The following COLEC12 variants were observed in gnomAD, a reference collection of about 807,000 sequenced individuals.
The protein encoded by COLEC12 is collectin-12.
Under a neutral mutation model 71.1 loss-of-function variants are expected in COLEC12, and 33 were observed. The observed-to-expected ratio is 0.46, with a 90% CI of 0.35 to 0.62. COLEC12 has a LOEUF of 0.62. Among genes scored for constraint, COLEC12 ranks in the 20% least tolerant of loss-of-function variants. The pLI is 0.00. For missense variants in COLEC12, 765 were observed against 916.1 expected, an observed-to-expected ratio of 0.84 and a Z score of 2.13; for synonymous variants, 350 against 353.0, an observed-to-expected ratio of 0.99 and a Z score of 0.10.
At chr18:466,463 G>A (rs746143442) in intron 2 of COLEC12, among the ~76,000 whole-genome samples, 2 of 152,006 alleles carry the variant, frequency 1.3e-5, no homozygotes, top group East Asian at 3.9e-4. Context: ...ATTTCAGCCC[G>A]TGTGCTGTGA....
intron 2 of COLEC12, among the ~76,000 whole-genome samples, chr18:431,608 C>G (rs1294033109): frequency 6.6e-6 from 1 of 152,190 alleles, no homozygotes; most frequent in Non-Finnish European, 1.5e-5. Context: ...GAGGAGCACA[C>G]TGGAAGCAAG....
intron 2 of COLEC12, among the ~76,000 whole-genome samples, chr18:406,117 T>C (rs553171325): frequency 6.6e-6 from 1 of 152,214 alleles, no homozygotes; most frequent in African/African-American, 2.4e-5. Flanking sequence ...AGTTTACAGA[T>C]GCCATGGCAA....
chr18:496,109 C>T (rs913309553), intron 1 of COLEC12, among the ~76,000 whole-genome samples: 1 of 152,140 alleles, frequency 6.6e-6, no homozygotes, highest in African/African-American at 2.4e-5. Flanking sequence ...CTTCAAGGTC[C>T]ATTTAACTTT....
intron 2 of COLEC12, among the ~76,000 whole-genome samples, chr18:417,834 G>A (rs1275307027): frequency 1.3e-5 from 2 of 150,940 alleles, no homozygotes; most frequent in South Asian, 2.1e-4. Flanking sequence ...AATTGGAACT[G>A]TCCACAATTA....
chr18:446,627 CGA>C (rs1916659595), intron 2 of COLEC12, among the ~76,000 whole-genome samples: 1 of 150,924 alleles, frequency 6.6e-6, no homozygotes, highest in Admixed American at 6.6e-5. Context: ...GAGAATTGCT[CGA>C]GCCCAGGAGG....
intron 1 of COLEC12, among the ~76,000 whole-genome samples, chr18:499,627 A>C (rs1917780332): frequency 1.3e-5 from 2 of 152,204 alleles, no homozygotes; most frequent in African/African-American, 4.8e-5. Flanking sequence ...GCCTTGTGTA[A>C]ACACCACGCG....
At chr18:325,823 C>G (rs569057523) in intron 8 of COLEC12, among the ~76,000 whole-genome samples, 5 of 151,990 alleles carry the variant, frequency 3.3e-5, no homozygotes, top group African/African-American at 9.6e-5. Context: ...ACCAGCACAC[C>G]CAGCTAATTT....
At chr18:454,938 G>A (rs937264803) in intron 2 of COLEC12, among the ~76,000 whole-genome samples, 1 of 152,164 alleles carries the variant, frequency 6.6e-6, no homozygotes, top group Admixed American at 6.5e-5. Context: ...GGCTAGAAAG[G>A]GCTTCCTATA....
chr18:470,220 ATTTTTTTTTTTTTTTT>A (rs71174234), intron 2 of COLEC12, among the ~76,000 whole-genome samples: 2 of 92,354 alleles, frequency 2.2e-5, no homozygotes, highest in African/African-American at 4.4e-5. Flanking sequence ...AGGCCAGGAA[ATTTTTTTTTTTTTTTT>A]TTTTTTTTTT....
At chr18:498,363 C>CTTTTTTTTTTTTTTTTTTTTTTTTTTT (rs542727500) in intron 1 of COLEC12, among the ~76,000 whole-genome samples, 1 of 100,762 alleles carries the variant, frequency 9.9e-6, no homozygotes, top group African/African-American at 4.6e-5. Context: ...TATTTTTTTT[C>CTTTTTTTTTTTTTTTTTTTTTTTTTTT]TTTTTTTTTT....
intron 2 of COLEC12, among the ~76,000 whole-genome samples, chr18:436,554 T>G (rs1916411649): frequency 6.8e-6 from 1 of 147,652 alleles, no homozygotes; most frequent in Non-Finnish European, 1.5e-5. Flanking sequence ...AGGGGTGGCT[T>G]TCTGGAATTT....
rs1034554913 is a variant in COLEC12, at chr18:352,113, G to C, written c.182-3950C>G. 2.6e-4 allele frequency among the ~76,000 whole-genome samples: 39 copies of C among 152,188 alleles called. 1 individual carries two copies. Among genetic ancestry groups the C allele is most frequent in the South Asian group, 1.2e-3 (6 of 4,832 alleles). Reference sequence around the variant, plus strand: ...TATTTTTAAAATTACTACATAGACAGAGAGATGCAGTTCTAATAATCTGTA... The same window carrying C: ...TATTTTTAAAATTACTACATAGACACAGAGATGCAGTTCTAATAATCTGTA... On this transcript the variant is annotated intron_variant, in intron 3 of 9. Transcript: ENST00000400256.
At chr18:392,341 C>T (rs1261348940) in intron 2 of COLEC12, among the ~76,000 whole-genome samples, 3 of 152,302 alleles carry the variant, frequency 2.0e-5, no homozygotes, top group Non-Finnish European at 4.4e-5. Context: ...ACCTGGGTTA[C>T]AATTCTGGTT....
At chr18:456,392 G>C (rs542312321) in intron 2 of COLEC12, among the ~76,000 whole-genome samples, 51 of 152,354 alleles carry the variant, frequency 3.3e-4, no homozygotes, top group African/African-American at 1.2e-3. Context: ...TGTGCCGTGA[G>C]CAACTTGTAC....
In COLEC12 at chr18:319,755, T is replaced by A. The variant is rs1362812876; in HGVS notation, c.*290A>T. The A allele has an allele frequency of 2.3e-6, 1 of 436,758 alleles. No homozygotes were observed. The highest frequency in any genetic ancestry group is 4.8e-5 in the East Asian group (1 of 20,678). The allele number at this position is 436,758 out of a possible 1,614,324, so 27.1% of individuals were successfully genotyped here. On this transcript the variant is annotated 3_prime_UTR_variant, in exon 10 of 10. Coordinates refer to ENST00000400256, the MANE Select transcript of COLEC12 (RefSeq NM_130386.3). Reference sequence around the variant, plus strand: ...ACCTTTTTCTGATTGGAGTGTTCCATACTTTGGAAGACATAATTTGTATAA... The same window carrying A: ...ACCTTTTTCTGATTGGAGTGTTCCAAACTTTGGAAGACATAATTTGTATAA...
chr18:364,178 G>GT lies in COLEC12; in HGVS notation c.59-6657dup, dbSNP rs201915901. Among the ~76,000 whole-genome samples the GT allele has an allele frequency of 5.6e-3, 843 of 151,680 alleles. 11 individuals carry two copies. The highest frequency in any genetic ancestry group is 0.019 in the African/African-American group (778 of 41,382). ...CAGTCAGTTCTGGTTTGGTTTTATT[G>GT]TTTTTTTTAAGATTATGCATTATTT... is the stretch of plus-strand genomic sequence containing the variant. On this transcript the variant is annotated intron_variant, in intron 2 of 9. Transcript: ENST00000400256.
At chr18:335,902 T>C (rs888802566) in intron 5 of COLEC12, among the ~76,000 whole-genome samples, 1 of 152,244 alleles carries the variant, frequency 6.6e-6, no homozygotes, top group Admixed American at 6.5e-5. Context: ...GGGCTTATTC[T>C]TCACAGTGAC....
At chr18:366,076 T>C (rs1319796254) in intron 2 of COLEC12, among the ~76,000 whole-genome samples, 1 of 152,240 alleles carries the variant, frequency 6.6e-6, no homozygotes, top group Admixed American at 6.5e-5. Flanking sequence ...AAGGTGTAAG[T>C]AGCAGGCAGT....
chr18:362,168 A>C lies in COLEC12; in HGVS notation c.59-4646T>G, dbSNP rs1914758780. On this transcript the variant is annotated intron_variant, in intron 2 of 9. Coordinates refer to ENST00000400256, the MANE Select transcript of COLEC12 (RefSeq NM_130386.3). The surrounding 1 kb of genome is among the most constrained non-coding windows in gnomAD (Gnocchi z 4.6). ...TGCATGTGGTATTCGTGCAGATCCA[A>C]GCCCGGACAGCTGTCACTGGTTCAC... is the stretch of plus-strand genomic sequence containing the variant. 6.6e-6 allele frequency among the ~76,000 whole-genome samples: 1 copy of C among 152,150 alleles called. No individual in the cohort carries two copies. Among genetic ancestry groups the C allele is most frequent in the South Asian group, 2.1e-4 (1 of 4,826 alleles).
Sources: allele counts gnomAD v4.1 joint callset (sites outside exome capture counted in the v4.1 genomes callset), GRCh38; gene constraint gnomAD v4.1.1; non-coding constraint Gnocchi (gnomAD v3.1); transcripts MANE v1.5; gene names NCBI Gene and HGNC (gene_info 2026-07-23, HGNC 2026-07-21).